The following SAMMSON variants were observed in gnomAD, a reference collection of about 807,000 sequenced individuals.
SAMMSON encodes survival associated mitochondrial melanoma specific oncogenic non-coding RNA.
chr3:70,196,911 G>A (rs1053151464), intron 4 of SAMMSON: 2 of 398,344 alleles, frequency 5.0e-6, no homozygotes, highest in Middle Eastern at 6.2e-4. Context: ...GCCGGAATGT[G>A]GTTACTTCAC....
At chr3:70,273,712 A>G (rs1213004835) in intron 6 of SAMMSON, among the ~76,000 whole-genome samples, 51 of 152,262 alleles carry the variant, frequency 3.3e-4, no homozygotes, top group Admixed American at 3.3e-3. Context: ...GGCAGGCATT[A>G]CTAATCAATC....
chr3:70,348,413 G>A (rs1702768584), intron 7 of SAMMSON, among the ~76,000 whole-genome samples: 1 of 152,044 alleles, frequency 6.6e-6, no homozygotes, highest in South Asian at 2.1e-4. Context: ...AGCATGTTTG[G>A]GTTCTTGGTA....
intron 2 of SAMMSON, among the ~76,000 whole-genome samples, chr3:70,397,638 G>A (rs1220974550): frequency 6.6e-6 from 1 of 152,066 alleles, no homozygotes; most frequent in Non-Finnish European, 1.5e-5. Flanking sequence ...GTGTGTGTAT[G>A]TGTGTATGAT....
At chr3:70,311,875 A>G (rs550409072) in intron 7 of SAMMSON, 2 of 397,720 alleles carry the variant, frequency 5.0e-6, no homozygotes, top group South Asian at 1.3e-4. Context: ...ATCAAGAGCA[A>G]GAAGACTTAC....
At chr3:70,306,574 C>T (rs1702402918) in intron 7 of SAMMSON, among the ~76,000 whole-genome samples, 1 of 152,044 alleles carries the variant, frequency 6.6e-6, no homozygotes, top group African/African-American at 2.4e-5. Context: ...GCCCATTCCC[C>T]ACCCCCTATT....
rs943888688 is a variant in SAMMSON at position 70,331,346 on chromosome 3, T to C, written n.740-22829T>C. On this transcript the variant is annotated intron_variant and non_coding_transcript_variant, in intron 7 of 9. Coordinates refer to ENST00000642114, the Ensembl canonical transcript of SAMMSON. ...TACTGGTGTATCGCTAGGGCTTATG[T>C]ACAGCTTATCACATTCTGGGACTCC... is the stretch of plus-strand genomic sequence containing the variant. 2.6e-5 allele frequency among the ~76,000 whole-genome samples: 4 copies of C among 152,238 alleles called. No individual in the cohort carries two copies. The South Asian group carries it at 8.3e-4, about 31-fold the overall frequency.
intron 4 of SAMMSON, among the ~76,000 whole-genome samples, chr3:70,165,032 T>C (rs952612059): frequency 6.6e-6 from 1 of 152,026 alleles, no homozygotes; most frequent in Admixed American, 6.6e-5. Context: ...ATATATAAGA[T>C]ATGTTTTCAA....
At chr3:70,071,623 C>T (rs2067230336) in intron 4 of SAMMSON, 1 of 151,896 alleles carries the variant, frequency 6.6e-6, no homozygotes, top group South Asian at 2.1e-4. Flanking sequence ...CCTGTTCTCC[C>T]TGAGTTTCTT....
chr3:70,108,804 C>G (rs528843121), intron 4 of SAMMSON, among the ~76,000 whole-genome samples: 2 of 152,198 alleles, frequency 1.3e-5, no homozygotes, highest in African/African-American at 4.8e-5. Context: ...ACCAACCTTG[C>G]TGGCATTTTG....
chr3:70,121,307 T>C (rs1210407118), intron 4 of SAMMSON, among the ~76,000 whole-genome samples: 2 of 152,044 alleles, frequency 1.3e-5, no homozygotes, highest in Non-Finnish European at 2.9e-5. Flanking sequence ...GGCCCGAGGG[T>C]TGGGGACCCC....
At chr3:70,149,885 C>T (rs148207943) in intron 4 of SAMMSON, among the ~76,000 whole-genome samples, 24 of 152,144 alleles carry the variant, frequency 1.6e-4, no homozygotes, top group Admixed American at 3.9e-4. Flanking sequence ...AAAGCAGAAA[C>T]CCAAACATAC....
chr3:70,032,701 A>G (rs1178623891), intron 3 of SAMMSON, among the ~76,000 whole-genome samples: 1 of 152,222 alleles, frequency 6.6e-6, no homozygotes, highest in African/African-American at 2.4e-5. Flanking sequence ...TTTAACAAAC[A>G]TCTGAGGAAC....
chr3:70,307,321 C>G (rs7631182), intron 7 of SAMMSON, among the ~76,000 whole-genome samples: 59,760 of 151,686 alleles, frequency 0.39, 12,159 homozygotes, highest in South Asian at 0.56. Context: ...ATCGTGTGCA[C>G]TTCAAACGCT....
At chr3:70,284,275 C>T (rs532694426) in intron 6 of SAMMSON, among the ~76,000 whole-genome samples, 9 of 152,112 alleles carry the variant, frequency 5.9e-5, no homozygotes, top group African/African-American at 1.2e-4. Context: ...CTAATCCCTA[C>T]GATTTATTTC....
In SAMMSON at chr3:70,019,166, A is replaced by G. The variant is rs149206099; in HGVS notation, n.417+5494A>G. On this transcript the variant is annotated intron_variant and non_coding_transcript_variant, in intron 3 of 9. Transcript: ENST00000642114. ...AACTTTCTGTCTCGTTGATGTGTCT[A>G]ATGTTGACAGTGGGGTGTTAAAGTC... is the stretch of plus-strand genomic sequence containing the variant. Among the ~76,000 whole-genome samples the G allele has an allele frequency of 4.2e-3, 635 of 152,232 alleles. 3 individuals are homozygous for G. Among genetic ancestry groups the G allele is most frequent in the Middle Eastern group, 6.8e-3 (2 of 294 alleles).
At chr3:70,294,667 T>G (rs756920507) in intron 7 of SAMMSON, among the ~76,000 whole-genome samples, 2 of 152,068 alleles carry the variant, frequency 1.3e-5, no homozygotes, top group African/African-American at 2.4e-5. Flanking sequence ...ATAAAGTAAT[T>G]TATGACTCAT....
intron 9 of SAMMSON, among the ~76,000 whole-genome samples, chr3:70,363,694 C>CA (rs891031931): frequency 1.3e-5 from 2 of 151,878 alleles, no homozygotes; most frequent in Non-Finnish European, 2.9e-5. Flanking sequence ...TTTTAATTTG[C>CA]AATGTCACTA....
intron 7 of SAMMSON, among the ~76,000 whole-genome samples, chr3:70,294,475 AG>A (rs1702271091): frequency 6.6e-6 from 1 of 152,178 alleles, no homozygotes; most frequent in South Asian, 2.1e-4. Context: ...CAAAAAAGTC[AG>A]AAAAAAGGAG....
intron 2 of SAMMSON, among the ~76,000 whole-genome samples, chr3:70,407,539 C>T (rs1255563573): frequency 2.0e-5 from 3 of 152,184 alleles, no homozygotes; most frequent in African/African-American, 7.2e-5. Context: ...TCCTGTGGGG[C>T]AGTCAAATTT....
Sources: allele counts gnomAD v4.1 joint callset (sites outside exome capture counted in the v4.1 genomes callset), GRCh38; gene constraint gnomAD v4.1.1; transcripts MANE v1.5; gene names NCBI Gene and HGNC (gene_info 2026-07-23, HGNC 2026-07-21).